Variants in DCAF6 observed in about 807,000 individuals in gnomAD.
The protein encoded by DCAF6 is DDB1 and CUL4 associated factor 6, also known as DDB1- and CUL4-associated factor 6.
A neutral mutation model predicts 125.1 loss-of-function variants in DCAF6; 54 were observed. That is an observed-to-expected ratio of 0.43 (90% CI 0.35 to 0.54). DCAF6 has a LOEUF of 0.54. Ranked by LOEUF, DCAF6 falls within the 20% of genes least tolerant of loss-of-function variation. DCAF6 has a pLI of 0.01. For synonymous variants in DCAF6, 371 were observed against 390.4 expected (o/e 0.95, Z 0.58); for missense variants, 934 against 1,161.7 (o/e 0.80, Z 2.85).
chr1:168,034,803 A>G (rs970093666), intron 12 of DCAF6, among the ~76,000 whole-genome samples: 2 of 152,218 alleles, frequency 1.3e-5, no homozygotes, highest in Admixed American at 6.5e-5. Flanking sequence ...ATATCTGTGC[A>G]TTATGTAAAT....
chr1:168,046,246 AATCT>A (rs1438079610), intron 16 of DCAF6, among the ~76,000 whole-genome samples: 1 of 152,150 alleles, frequency 6.6e-6, no homozygotes, highest in African/African-American at 2.4e-5. Context: ...ATTTTAAAAA[AATCT>A]ATCAGTCAAT....
At chr1:168,052,259 A>G (rs985611359) in intron 17 of DCAF6, among the ~76,000 whole-genome samples, 2 of 152,214 alleles carry the variant, frequency 1.3e-5, no homozygotes, top group Non-Finnish European at 2.9e-5. Context: ...CCTGATTTAT[A>G]CTTTTTATCA....
Position 167,936,975 on chromosome 1 carries a change from G to A in DCAF6, c.64G>A (p.Glu22Lys). 1 of 1,611,186 alleles carries A rather than the reference G, an allele frequency of 6.2e-7. No individual in the cohort carries two copies. Residue 22 changes from glutamate (E) to lysine (K), a missense_variant, in exon 1 of 22, where the codon GAG becomes AAG. Glu to Lys is a moderately conservative substitution (Grantham distance 56, BLOSUM62 1). This residue lies in a region of DCAF6 where 309 missense variants were observed against 381.2 expected (regional missense o/e 0.81). Coordinates refer to ENST00000367840, the MANE Select transcript of DCAF6 (RefSeq NM_001198956.2). Reference sequence around the variant, plus strand: ...CGTGAGGAAAAGGTCCCTCGGGCTGGAGGACCCGTCCCGGCTGCGGAGTCG... The same window carrying A: ...CGTGAGGAAAAGGTCCCTCGGGCTGAAGGACCCGTCCCGGCTGCGGAGTCG... ...WDVRKRSLGLEDPSRLRSRYL... is the reference protein window; with the variant it reads ...WDVRKRSLGLKDPSRLRSRYL...
At chr1:167,883,753 T>TTG in the DCAF6 span, 3 of 842,420 alleles carry the variant, frequency 3.6e-6, no homozygotes, top group Admixed American at 5.8e-5. Context: ...AGGTACAACA[T>TTG]GACAGAGCCA....
chr1:168,070,099 C>T (rs532854865), intron 21 of DCAF6, among the ~76,000 whole-genome samples: 4 of 152,006 alleles, frequency 2.6e-5, no homozygotes, highest in Non-Finnish European at 5.9e-5. Flanking sequence ...AGTTAATAGC[C>T]ACTACCATCC....
chr1:167,898,050 T>C, the DCAF6 span, among the ~76,000 whole-genome samples: 1 of 142,830 alleles, frequency 7.0e-6, no homozygotes, highest in Admixed American at 7.0e-5. Flanking sequence ...TGTGAGATCA[T>C]GCATACAGTC....
At chr1:167,871,714 T>C in the DCAF6 span, among the ~76,000 whole-genome samples, 43 of 152,360 alleles carry the variant, frequency 2.8e-4, no homozygotes, top group African/African-American at 9.9e-4. Flanking sequence ...TTAATTCAAG[T>C]GTAGACATTT....
intron 11 of DCAF6, 106 bp from the exon 12 acceptor site, chr1:168,022,882 A>G (rs1313628727): frequency 1.9e-5 from 19 of 1,012,030 alleles, no homozygotes; most frequent in African/African-American, 6.4e-5. Context: ...ACTTACTTCT[A>G]TTCCGCAGCC....
At chr1:168,030,305 G>A (rs1251612059) in intron 12 of DCAF6, among the ~76,000 whole-genome samples, 1 of 152,196 alleles carries the variant, frequency 6.6e-6, no homozygotes, top group Non-Finnish European at 1.5e-5. Context: ...GAAGGAGCAT[G>A]AGTAAAGGGA....
chr1:168,004,498 T>G, intron 9 of DCAF6, 35 bp from the exon 10 acceptor site: 1 of 1,603,472 alleles, frequency 6.2e-7, no homozygotes, highest in Non-Finnish European at 8.5e-7. Flanking sequence ...AGAAAATATT[T>G]AAAATTTGAA....
chr1:167,992,649 T>C (rs1681022082), intron 6 of DCAF6, among the ~76,000 whole-genome samples: 1 of 152,188 alleles, frequency 6.6e-6, no homozygotes, highest in Non-Finnish European at 1.5e-5. Flanking sequence ...AATTTAGCAT[T>C]CCTGGGCCCC....
chr1:167,935,761 T>C, upstream of DCAF6: 2 of 1,565,236 alleles, frequency 1.3e-6, no homozygotes, highest in Non-Finnish European at 1.7e-6. Context: ...ACGGCCTCAA[T>C]TTCTCGGGCA....
chr1:167,880,549 G>A, the DCAF6 span: 3 of 1,614,196 alleles, frequency 1.9e-6, no homozygotes, highest in South Asian at 3.3e-5. Context: ...TCCAGAGCAT[G>A]AGTGAGCTCG....
chr1:167,907,593 T>C, the DCAF6 span, among the ~76,000 whole-genome samples: 1 of 152,230 alleles, frequency 6.6e-6, no homozygotes, highest in Non-Finnish European at 1.5e-5. Context: ...GACAGGGAAG[T>C]GCACTCCTAC....
At chr1:167,953,547 C>T (rs1284039191) in intron 2 of DCAF6, among the ~76,000 whole-genome samples, 2 of 152,142 alleles carry the variant, frequency 1.3e-5, no homozygotes, top group African/African-American at 4.8e-5. Context: ...ACAGATGTGG[C>T]ACTTTATGAA....
At chr1:167,886,651 A>T in the DCAF6 span, among the ~76,000 whole-genome samples, 1 of 152,332 alleles carries the variant, frequency 6.6e-6, no homozygotes, top group African/African-American at 2.4e-5. Context: ...GGACTTCATG[A>T]CTGAAACACC....
At chr1:167,881,188 G>A in the DCAF6 span, among the ~76,000 whole-genome samples, 1 of 152,296 alleles carries the variant, frequency 6.6e-6, no homozygotes, top group African/African-American at 2.4e-5. Flanking sequence ...TAAAGGCTTA[G>A]GCTGTAAGTA....
the DCAF6 span, among the ~76,000 whole-genome samples, chr1:167,907,141 G>A: frequency 6.6e-6 from 1 of 152,308 alleles, no homozygotes; most frequent in East Asian, 1.9e-4. Context: ...ACTGACAGGT[G>A]TAATGTCAGT....
At chr1:168,055,715 T>C (rs1165442394) in intron 17 of DCAF6, among the ~76,000 whole-genome samples, 13 of 96,688 alleles carry the variant, frequency 1.3e-4, no homozygotes, top group African/African-American at 7.2e-4. Context: ...AAGACGCATA[T>C]TATATTTATC....
Sources: allele counts gnomAD v4.1 joint callset (sites outside exome capture counted in the v4.1 genomes callset), GRCh38; gene constraint gnomAD v4.1.1; regional missense constraint gnomAD v4.1.1; transcripts MANE v1.5; gene names NCBI Gene and HGNC (gene_info 2026-07-23, HGNC 2026-07-21).